STARD13: variants seen among roughly 807,000 people sequenced by gnomAD.
STARD13 encodes the protein StAR related lipid transfer domain containing 13.
Under a neutral mutation model 106.4 loss-of-function variants are expected in STARD13, and 62 were observed. The observed-to-expected ratio is 0.58, with a 90% CI of 0.48 to 0.72. STARD13 has a LOEUF of 0.72. STARD13 is among the 30% of genes least tolerant of loss of function. The pLI is 0.00. For missense variants in STARD13, 1,387 were observed against 1,424.0 expected, an observed-to-expected ratio of 0.97 and a Z score of 0.42; for synonymous variants, 565 against 553.0, an observed-to-expected ratio of 1.02 and a Z score of -0.31.
the STARD13 span, among the ~76,000 whole-genome samples, chr13:33,522,913 G>T: frequency 1.3e-5 from 2 of 152,154 alleles, no homozygotes; most frequent in Non-Finnish European, 2.9e-5. Context: ...TGCCTTGCAG[G>T]GCTGTTGTAA....
At chr13:33,315,220 C>T (rs747444951) in intron 1 of STARD13, among the ~76,000 whole-genome samples, 15 of 152,186 alleles carry the variant, frequency 9.9e-5, no homozygotes, top group Non-Finnish European at 1.9e-4. Flanking sequence ...GAAGTAAAAA[C>T]TATAGAAATT....
the STARD13 span, among the ~76,000 whole-genome samples, chr13:33,472,504 A>G: frequency 6.6e-6 from 1 of 152,274 alleles, no homozygotes; most frequent in East Asian, 1.9e-4. Context: ...TCTACCGACT[A>G]GGTTCCAGTA....
At chr13:33,480,621 C>A in the STARD13 span, among the ~76,000 whole-genome samples, 1 of 152,088 alleles carries the variant, frequency 6.6e-6, no homozygotes, top group African/African-American at 2.4e-5. Flanking sequence ...GAGAAGTACA[C>A]TGTAGTACTA....
the STARD13 span, among the ~76,000 whole-genome samples, chr13:33,644,355 C>G: frequency 6.6e-6 from 1 of 152,162 alleles, no homozygotes; most frequent in Non-Finnish European, 1.5e-5. Context: ...TAAGCAAAAG[C>G]TACCTATAAC....
At chr13:33,517,703 C>CA in the STARD13 span, among the ~76,000 whole-genome samples, 1 of 152,136 alleles carries the variant, frequency 6.6e-6, no homozygotes, top group Non-Finnish European at 1.5e-5. Context: ...CTCAAGGGAG[C>CA]AATGGGGCTG....
chr13:33,352,124 G>A (rs1428103143), upstream of STARD13, among the ~76,000 whole-genome samples: 1 of 152,196 alleles, frequency 6.6e-6, no homozygotes, highest in Admixed American at 6.5e-5. Flanking sequence ...GAAGCAATAA[G>A]TCACGGATCA....
the STARD13 span, among the ~76,000 whole-genome samples, chr13:33,586,978 C>T: frequency 6.6e-6 from 1 of 152,162 alleles, no homozygotes; most frequent in African/African-American, 2.4e-5. Flanking sequence ...CTTTGGGAGG[C>T]CTAGGCGGCT....
chr13:33,496,183 T>C, the STARD13 span, among the ~76,000 whole-genome samples: 1 of 145,654 alleles, frequency 6.9e-6, no homozygotes, highest in African/African-American at 2.5e-5. Flanking sequence ...TTAAATATAA[T>C]TTATAATATA....
At chr13:33,139,843 G>T (rs1879580035) in intron 4 of STARD13, among the ~76,000 whole-genome samples, 1 of 152,066 alleles carries the variant, frequency 6.6e-6, no homozygotes, top group African/African-American at 2.4e-5. Flanking sequence ...TCACAACAGT[G>T]TCTCCTAAGT....
At chr13:33,555,786 T>G in the STARD13 span, among the ~76,000 whole-genome samples, 1 of 152,218 alleles carries the variant, frequency 6.6e-6, no homozygotes, top group African/African-American at 2.4e-5. Context: ...TCTTAGTATC[T>G]AACATCAGAA....
the STARD13 span, chr13:33,659,633 A>C: frequency 6.6e-6 from 1 of 152,214 alleles, no homozygotes; most frequent in Non-Finnish European, 1.5e-5. Flanking sequence ...GTTGGAAGAC[A>C]CCCAGCTGGT....
At chr13:33,143,584 A>C (rs1203720025) in intron 3 of STARD13, among the ~76,000 whole-genome samples, 1 of 151,968 alleles carries the variant, frequency 6.6e-6, no homozygotes, top group Non-Finnish European at 1.5e-5. Context: ...ACGGAGTCTC[A>C]CTCTGTTGCT....
the STARD13 span, among the ~76,000 whole-genome samples, chr13:33,405,320 C>T: frequency 1.3e-4 from 20 of 152,238 alleles, no homozygotes; most frequent in Admixed American, 1.2e-3. Context: ...TGCTGCTAAG[C>T]GTGCATCAGG....
chr13:33,527,930 G>A, the STARD13 span, among the ~76,000 whole-genome samples: 4,430 of 151,134 alleles, frequency 0.029, 85 homozygotes, highest in Middle Eastern at 0.051. Flanking sequence ...CCCGTTAACT[G>A]ACCATTAATA....
chr13:33,575,208 G>A, the STARD13 span, among the ~76,000 whole-genome samples: 8 of 152,032 alleles, frequency 5.3e-5, no homozygotes, highest in Non-Finnish European at 1.0e-4. Flanking sequence ...GAACCACTGC[G>A]CCCGGCCATA....
At chr13:33,530,056 A>C in the STARD13 span, among the ~76,000 whole-genome samples, 1 of 152,138 alleles carries the variant, frequency 6.6e-6, no homozygotes, top group Non-Finnish European at 1.5e-5. Flanking sequence ...AAAAACATGC[A>C]TAATAATTGC....
At chr13:33,597,172 T>A in the STARD13 span, among the ~76,000 whole-genome samples, 1 of 152,214 alleles carries the variant, frequency 6.6e-6, no homozygotes. Context: ...ATGAATATCC[T>A]TTTCTCTGCA....
intron 1 of STARD13, chr13:33,206,096 A>G (rs1566073477): frequency 4.7e-5 from 35 of 742,662 alleles, no homozygotes; most frequent in Middle Eastern, 6.8e-4. Flanking sequence ...AAAAAAACGA[A>G]AACTCACAGC....
At chr13:33,637,481 T>C in the STARD13 span, among the ~76,000 whole-genome samples, 1 of 152,240 alleles carries the variant, frequency 6.6e-6, no homozygotes, top group Non-Finnish European at 1.5e-5. Context: ...GGGTATGTTT[T>C]AACACATAGC....
Sources: allele counts gnomAD v4.1 joint callset (sites outside exome capture counted in the v4.1 genomes callset), GRCh38; gene constraint gnomAD v4.1.1; transcripts MANE v1.5; gene names NCBI Gene and HGNC (gene_info 2026-07-23, HGNC 2026-07-21).